The following SNX4 variants were observed in gnomAD, a reference collection of about 807,000 sequenced individuals.
SNX4 encodes sorting nexin 4, also known as sorting nexin-4.
Under a neutral mutation model 70.8 loss-of-function variants are expected in SNX4, and 49 were observed. The observed-to-expected ratio is 0.69, with a 90% CI of 0.55 to 0.88. The LOEUF (loss-of-function observed/expected upper bound fraction) is 0.88, where lower values mean the gene tolerates loss of function less well. Ranked by LOEUF, SNX4 falls within the 40% of genes least tolerant of loss-of-function variation. The probability of loss-of-function intolerance (pLI) is 0.00; values close to 1 mark genes in which losing one functional copy is unlikely to be tolerated. For synonymous variants in SNX4, 206 were observed against 183.8 expected, an observed-to-expected ratio of 1.12 and a Z score of -0.98; for missense variants, 528 against 544.8, an observed-to-expected ratio of 0.97 and a Z score of 0.31.
intron 1 of SNX4, among the ~76,000 whole-genome samples, chr3:125,514,265 A>T (rs998837391): frequency 6.6e-6 from 1 of 152,228 alleles, no homozygotes. Context: ...CTTTTAAAAT[A>T]ACAGCAGAGC....
chr3:125,476,726 T>C lies in SNX4; in HGVS notation c.757A>G (p.Lys253Glu). Residue 253 changes from lysine (K) to glutamate (E), a missense_variant, in exon 8 of 14, where the codon AAA becomes GAA. Around this residue, in one of 3 missense-constraint regions of SNX4, gnomAD observed 341 missense variants for 312.2 expected, o/e 1.09. Coordinates refer to ENST00000251775, the MANE Select transcript of SNX4 (RefSeq NM_003794.4). ...ACTCGACCATAATTCCCATGTACTT[T>C]ATATACACCATAGAGTCGATCTGCT... ...RVADRLYGVY[K>E]VHGNYGRVFS... is the part of the protein sequence containing the mutation. 1 of 1,600,240 alleles carries C rather than the reference T, an allele frequency of 6.2e-7. No homozygotes were observed. The highest frequency in any genetic ancestry group is 1.1e-5 in the South Asian group (1 of 89,450).
At chr3:125,497,455 A>G in intron 4 of SNX4, 67 bp from the exon 5 acceptor site, 1 of 1,030,828 alleles carries the variant, frequency 9.7e-7, no homozygotes, top group South Asian at 1.3e-5. Context: ...AGTAAATTAA[A>G]TTTCTATCAT....
At chr3:125,502,361 T>A (rs1326183751) in intron 2 of SNX4, among the ~76,000 whole-genome samples, 2 of 147,164 alleles carry the variant, frequency 1.4e-5, no homozygotes, top group Non-Finnish European at 3.0e-5. Flanking sequence ...TTTTTTTTTT[T>A]AGAAGATTCT....
intron 10 of SNX4, among the ~76,000 whole-genome samples, chr3:125,460,020 C>T (rs539898710): frequency 1.3e-5 from 2 of 151,792 alleles, no homozygotes; most frequent in African/African-American, 4.8e-5. Context: ...ACGGTGAAAC[C>T]CTGTCTCTAC....
At chr3:125,478,533 C>G (rs1934337062) in intron 7 of SNX4, among the ~76,000 whole-genome samples, 1 of 151,418 alleles carries the variant, frequency 6.6e-6, no homozygotes, top group South Asian at 2.1e-4. Flanking sequence ...ACATATGAAT[C>G]ATGACTGCTC....
rs567557498 is a variant in SNX4, at chr3:125,447,211, T to C, written c.*568A>G. 2.0e-5 allele frequency: 3 copies of C among 152,748 alleles called. No homozygotes were observed. Among genetic ancestry groups the C allele is most frequent in the African/African-American group, 7.2e-5 (3 of 41,564 alleles). The allele number at this position is 152,748 out of a possible 1,614,324, so 9.5% of individuals were successfully genotyped here. The stretch of plus-strand genomic sequence containing the variant: ...TTTCTGACCAGTATCAAAATTCTGG[T>C]AAAACACAAATTGAAGGCATTTTCT... On this transcript the variant is annotated 3_prime_UTR_variant, in exon 14 of 14. Transcript: ENST00000251775.
chr3:125,457,216 A>G (rs1182589848), intron 11 of SNX4, 50 bp downstream of exon 11: 1 of 1,289,464 alleles, frequency 7.8e-7, no homozygotes. Context: ...CTTGTGAGGA[A>G]CATTCCGTGT....
intron 5 of SNX4, among the ~76,000 whole-genome samples, chr3:125,491,449 A>T (rs750294926): frequency 9.9e-5 from 15 of 152,210 alleles, no homozygotes; most frequent in African/African-American, 1.4e-4. Flanking sequence ...TTTTACTTTT[A>T]AAGTCACCAA....
intron 9 of SNX4, among the ~76,000 whole-genome samples, chr3:125,464,124 A>C (rs575036430): frequency 7.9e-5 from 12 of 152,304 alleles, no homozygotes; most frequent in Non-Finnish European, 1.8e-4. Flanking sequence ...TATACAACTC[A>C]GTGGTATTAA....
At position 125,457,272 on chromosome 3, in the gene SNX4, T is replaced by A. The variant is rs1260249141; in HGVS notation, c.1038A>T (p.Val346=). 1 of 1,612,542 alleles carries A rather than the reference T, an allele frequency of 6.2e-7. No homozygotes were observed. The highest frequency in any genetic ancestry group is 1.1e-5 in the South Asian group (1 of 91,052). ...CCAAAAGGAAAATACTCACCCCAGT[T>A]ACCAGTTCCTCACACTGCTGCTTCT... ...ASKKQQCEEL[V]TGTVRTFSLK... is the part of the protein sequence containing the mutation. The change falls in exon 11 of 14, where the codon GTA becomes GTT. Residue 346 remains valine, a synonymous_variant. Coordinates refer to ENST00000251775, the MANE Select transcript of SNX4 (RefSeq NM_003794.4).
intron 8 of SNX4, among the ~76,000 whole-genome samples, chr3:125,475,249 C>G (rs1163489041): frequency 6.6e-6 from 1 of 152,002 alleles, no homozygotes; most frequent in Non-Finnish European, 1.5e-5. Context: ...AAATTTAAAT[C>G]TCTATCTCAC....
At chr3:125,473,719 T>C (rs1275395184) in intron 8 of SNX4, among the ~76,000 whole-genome samples, 1 of 152,192 alleles carries the variant, frequency 6.6e-6, no homozygotes, top group East Asian at 1.9e-4. Flanking sequence ...CTGGCCTAAA[T>C]TCAATTTCTC....
chr3:125,457,048 G>A (rs917444281), intron 11 of SNX4, among the ~76,000 whole-genome samples: 3 of 151,846 alleles, frequency 2.0e-5, no homozygotes, highest in African/African-American at 4.8e-5. Context: ...ATTCTATACA[G>A]TACATGGTTT....
chr3:125,466,598 A>T (rs1434952254), intron 9 of SNX4, among the ~76,000 whole-genome samples: 1 of 152,192 alleles, frequency 6.6e-6, no homozygotes, highest in Non-Finnish European at 1.5e-5. Flanking sequence ...AGGAACTTAA[A>T]CAAATTAACA....
At chr3:125,484,938 C>T (rs563513387) in intron 6 of SNX4, among the ~76,000 whole-genome samples, 62 of 152,028 alleles carry the variant, frequency 4.1e-4, no homozygotes, top group African/African-American at 1.4e-3. Flanking sequence ...TGGTGGTGGG[C>T]GCCTGTAATC....
intron 6 of SNX4, among the ~76,000 whole-genome samples, chr3:125,480,909 T>A (rs986010290): frequency 2.0e-4 from 31 of 152,322 alleles, no homozygotes; most frequent in African/African-American, 6.7e-4. Context: ...TCTAACGCTC[T>A]AGATTCCATT....
At chr3:125,462,217 TTTTTTAAAAG>T (rs1261980196) in intron 9 of SNX4, among the ~76,000 whole-genome samples, 1 of 152,174 alleles carries the variant, frequency 6.6e-6, no homozygotes, top group Non-Finnish European at 1.5e-5. Flanking sequence ...ATGTGTTGGT[TTTTTTAAAAG>T]TGATTCTTAT....
At chr3:125,448,838 G>A (rs1933497726) in intron 13 of SNX4, among the ~76,000 whole-genome samples, 2 of 151,694 alleles carry the variant, frequency 1.3e-5, no homozygotes, top group African/African-American at 4.8e-5. Flanking sequence ...ACCATGCCCA[G>A]CTAATTTTTT....
chr3:125,489,457 A>T lies in SNX4; in HGVS notation c.604T>A (p.Ser202Thr), dbSNP rs770680471. Residue 202 changes from serine (S) to threonine (T), a missense_variant, in exon 6 of 14, where the codon TCC becomes ACC. Around this residue, in one of 3 missense-constraint regions of SNX4, gnomAD observed 341 missense variants for 312.2 expected, o/e 1.09. Coordinates refer to ENST00000251775, the MANE Select transcript of SNX4 (RefSeq NM_003794.4). Reference sequence around the variant, plus strand: ...GTTGCATTAAGCGCTTTTAACCTGGAGTCTGCCTGGAAAAAATAATTTGTT... The same window carrying T: ...GTTGCATTAAGCGCTTTTAACCTGGTGTCTGCCTGGAAAAAATAATTTGTT... The part of the protein sequence containing the change: ...NETGFQLKAD[S>T]RLKALNATFR... 14 of 1,612,626 alleles carry T rather than the reference A, an allele frequency of 8.7e-6. No individual in the cohort carries two copies. The highest frequency in any genetic ancestry group is 1.7e-4 in the Middle Eastern group (1 of 6,056).
Sources: gnomAD v4.1 joint callset for allele counts (sites outside exome capture counted in the v4.1 genomes callset) on GRCh38, gnomAD v4.1.1 for gene constraint, gnomAD v4.1.1 regional missense constraint, MANE v1.5 for transcripts, NCBI Gene and HGNC (gene_info 2026-07-23, HGNC 2026-07-21) for gene names.